UPRT: variants seen among roughly 807,000 people sequenced by gnomAD.
The protein encoded by UPRT is uracil phosphoribosyltransferase homolog, also known as RP11-311P8.3.
UPRT carries 5 observed loss-of-function variants against 22.6 expected under a neutral mutation model. The observed-to-expected ratio is 0.22, with a 90% CI of 0.12 to 0.47. UPRT has a LOEUF of 0.47. UPRT is among the 20% of genes least tolerant of loss of function. The pLI is 0.99. For synonymous variants in UPRT, 77 were observed against 87.7 expected (o/e 0.88, Z 0.68); for missense variants, 181 against 239.9 (o/e 0.75, Z 1.62).
intron 5 of UPRT, among the ~76,000 whole-genome samples, 164 bp from the exon 6 acceptor site, chrX:75,300,703 C>T (rs769640615): frequency 8.1e-5 from 9 of 110,811 alleles, no homozygotes; most frequent in Non-Finnish European, 1.7e-4. Context: ...GGGAGGATGG[C>T]TTGAGCCTGG....
intron 4 of UPRT, among the ~76,000 whole-genome samples, chrX:75,187,778 T>G (rs935207373): frequency 8.9e-6 from 1 of 112,140 alleles, no homozygotes; most frequent in Non-Finnish European, 1.9e-5. Context: ...TCATTTCATC[T>G]TCCATTGCTG....
chrX:75,206,888 T>C (rs1051216428), intron 4 of UPRT, among the ~76,000 whole-genome samples: 1 of 111,990 alleles, frequency 8.9e-6, no homozygotes, highest in African/African-American at 3.2e-5. Context: ...ATGGTCTCGA[T>C]CTCCTGACCT....
At chrX:75,236,453 A>G (rs1042868106) in intron 4 of UPRT, among the ~76,000 whole-genome samples, 1 of 111,540 alleles carries the variant, frequency 9.0e-6, no homozygotes, top group Non-Finnish European at 1.9e-5. Flanking sequence ...AACTACTTTA[A>G]AGTTCATATG....
At chrX:75,197,688 A>T (rs2082336781) in intron 4 of UPRT, among the ~76,000 whole-genome samples, 2 of 112,177 alleles carry the variant, frequency 1.8e-5, no homozygotes. Flanking sequence ...ATGGACAAGA[A>T]ACTTAACAGA....
At chrX:75,182,761 G>A (rs78694493) in intron 4 of UPRT, among the ~76,000 whole-genome samples, 3,200 of 111,272 alleles carry the variant, frequency 0.029, 117 homozygotes, top group African/African-American at 0.1. Context: ...CTGGCTAGCA[G>A]TCTATCTACT....
intron 4 of UPRT, among the ~76,000 whole-genome samples, chrX:75,246,188 T>C (rs2082505417): frequency 1.8e-5 from 2 of 109,044 alleles, no homozygotes; most frequent in East Asian, 6.0e-4. Context: ...ATGTGCCATG[T>C]TGGTGTGCTG....
Position 75,267,239 on chromosome X carries a change from T to C in UPRT, c.-446-23785T>C, listed in dbSNP as rs2082592871. On this transcript the variant is annotated intron_variant, in intron 4 of 13. Coordinates refer to the UPRT transcript ENST00000652605. ...TTAAGAAAATGTTGCACATATTCTA[T>C]GCAGCCATAAAAAAGGATGAGCTCA... Among the ~76,000 whole-genome samples the C allele has an allele frequency of 2.7e-5, 3 of 111,554 alleles. No homozygotes were observed. The South Asian group carries it at 1.1e-3, about 42-fold the overall frequency.
intron 1 of UPRT, among the ~76,000 whole-genome samples, chrX:75,284,924 G>A (rs996264134): frequency 3.6e-5 from 4 of 110,772 alleles, no homozygotes; most frequent in Non-Finnish European, 3.8e-5. Context: ...TTAGGTGGGG[G>A]CAGGGCTAGG....
chrX:75,157,686 G>A (rs1409769309), intron 1 of UPRT, among the ~76,000 whole-genome samples: 1 of 112,010 alleles, frequency 8.9e-6, no homozygotes, highest in Non-Finnish European at 1.9e-5. Flanking sequence ...ATTGGACGGA[G>A]TTCATATTGA....
At chrX:75,199,284 C>T (rs991761823) in intron 4 of UPRT, among the ~76,000 whole-genome samples, 1 of 111,737 alleles carries the variant, frequency 8.9e-6, no homozygotes, top group African/African-American at 3.3e-5. Flanking sequence ...CTTCCTTCCA[C>T]TTGAGGAGAG....
chrX:75,211,188 G>C (rs1249714902), intron 4 of UPRT, among the ~76,000 whole-genome samples: 2 of 110,985 alleles, frequency 1.8e-5, no homozygotes, highest in African/African-American at 6.6e-5. Flanking sequence ...AGGGGAGTGA[G>C]TACCCCAGAG....
At chrX:75,287,969 C>T (rs933224286) in intron 1 of UPRT, among the ~76,000 whole-genome samples, 9 of 110,884 alleles carry the variant, frequency 8.1e-5, no homozygotes, top group South Asian at 3.8e-4. Flanking sequence ...TCCAAATAAG[C>T]GCAATCTGAA....
intron 4 of UPRT, among the ~76,000 whole-genome samples, chrX:75,217,429 A>G (rs1474172133): frequency 9.0e-6 from 1 of 111,231 alleles, no homozygotes; most frequent in Non-Finnish European, 1.9e-5. Flanking sequence ...GATTCTTCGT[A>G]CCCATGAGCA....
intron 4 of UPRT, among the ~76,000 whole-genome samples, chrX:75,252,813 C>G (rs776007351): frequency 1.1e-4 from 12 of 112,220 alleles, no homozygotes; most frequent in African/African-American, 3.6e-4. Flanking sequence ...CAATGATAGA[C>G]TAGATTAAGA....
chrX:75,182,349 A>G (rs907042325), intron 4 of UPRT, among the ~76,000 whole-genome samples: 18 of 111,864 alleles, frequency 1.6e-4, no homozygotes, highest in African/African-American at 5.5e-4. Context: ...AAGTATTGGT[A>G]TGAGGATGAT....
intron 1 of UPRT, among the ~76,000 whole-genome samples, chrX:75,288,108 C>T (rs2082689965): frequency 9.0e-6 from 1 of 111,237 alleles, no homozygotes. Flanking sequence ...AACAAACATT[C>T]TCCTAAAATT....
At chrX:75,302,846 A>C (rs928227645) in intron 6 of UPRT, among the ~76,000 whole-genome samples, 1 of 111,095 alleles carries the variant, frequency 9.0e-6, no homozygotes, top group Admixed American at 9.6e-5. Context: ...GTACACTGTG[A>C]AACACTACAC....
rs865891430 is a variant in UPRT at position 75,236,162 on chromosome X, A to C, written c.-446-54862A>C. ...ATTCTTATACATCAACAGCAGAGAAACAGAGAGCCAAATCATGATTGAACT... is the reference window on the plus strand; with the variant it reads ...ATTCTTATACATCAACAGCAGAGAACCAGAGAGCCAAATCATGATTGAACT... On this transcript the variant is annotated intron_variant, in intron 4 of 13. Transcript: ENST00000652605. Among the ~76,000 whole-genome samples the C allele has an allele frequency of 2.7e-5, 3 of 111,589 alleles. No individual in the cohort carries two copies. In the South Asian group the frequency reaches 1.2e-3, roughly 43 times the overall value.
At chrX:75,294,425 A>G (rs1255359808) in intron 2 of UPRT, 2 of 305,684 alleles carry the variant, frequency 6.5e-6, no homozygotes, top group Non-Finnish European at 1.0e-5. Context: ...TGATCTAAAT[A>G]CTAGATTTAC....
Sources: gnomAD v4.1 joint callset for allele counts (sites outside exome capture counted in the v4.1 genomes callset) on GRCh38, gnomAD v4.1.1 for gene constraint, MANE v1.5 for transcripts, NCBI Gene and HGNC (gene_info 2026-07-23, HGNC 2026-07-21) for gene names.